ARHGAP15: variants seen among roughly 807,000 people sequenced by gnomAD.
ARHGAP15 encodes the protein Rho GTPase activating protein 15, also known as rho GTPase-activating protein 15.
In ARHGAP15, 51 loss-of-function variants were observed where a neutral mutation model predicts 63.7. The ratio of observed to expected loss-of-function variants is 0.80; its 90% CI spans 0.64 to 1.01. ARHGAP15 has a LOEUF of 1.01. Ranked by LOEUF, ARHGAP15 falls within the 50% of genes least tolerant of loss-of-function variation. The pLI, the probability that ARHGAP15 is intolerant of heterozygous loss-of-function variation, is 0.00. For missense variants in ARHGAP15, 560 were observed against 564.6 expected (o/e 0.99, Z 0.08); for synonymous variants, 191 against 193.8 (o/e 0.99, Z 0.12).
chr2:143,638,567 G>C (rs1325004990), intron 12 of ARHGAP15, among the ~76,000 whole-genome samples: 2 of 148,874 alleles, frequency 1.3e-5, no homozygotes, highest in African/African-American at 2.5e-5. Flanking sequence ...CGAGTTAGTG[G>C]GTGCAGCGCA....
intron 13 of ARHGAP15, among the ~76,000 whole-genome samples, chr2:143,739,717 T>C (rs2105504558): frequency 6.6e-6 from 1 of 152,314 alleles, no homozygotes; most frequent in Non-Finnish European, 1.5e-5. Flanking sequence ...TTTTCATTGT[T>C]TTCCAAGGCT....
At chr2:143,336,743 G>C (rs1684789692) in intron 6 of ARHGAP15, among the ~76,000 whole-genome samples, 1 of 152,140 alleles carries the variant, frequency 6.6e-6, no homozygotes, top group Non-Finnish European at 1.5e-5. Context: ...ATTCTTAATA[G>C]TGAGAAGTCA....
chr2:143,744,720 A>C (rs1223792051), intron 13 of ARHGAP15, among the ~76,000 whole-genome samples: 1 of 152,208 alleles, frequency 6.6e-6, no homozygotes, highest in Non-Finnish European at 1.5e-5. Context: ...CAACATTAGT[A>C]CATCTTTTTA....
chr2:143,332,451 C>T (rs746719657), intron 6 of ARHGAP15, among the ~76,000 whole-genome samples: 1 of 151,966 alleles, frequency 6.6e-6, no homozygotes, highest in Non-Finnish European at 1.5e-5. Context: ...TATATTGTAT[C>T]TAATAGGCCT....
chr2:143,706,186 T>A (rs1684317848), intron 13 of ARHGAP15, among the ~76,000 whole-genome samples: 1 of 152,170 alleles, frequency 6.6e-6, no homozygotes, highest in Non-Finnish European at 1.5e-5. Context: ...TTGTTAAGCA[T>A]TTTTTTGCTA....
At chr2:143,331,287 T>C (rs1019114187) in intron 6 of ARHGAP15, among the ~76,000 whole-genome samples, 3 of 152,180 alleles carry the variant, frequency 2.0e-5, no homozygotes, top group Non-Finnish European at 4.4e-5. Context: ...GAAGCTTTCC[T>C]TGCTCCGATC....
chr2:143,643,436 C>G (rs970131757), intron 12 of ARHGAP15, among the ~76,000 whole-genome samples: 14 of 129,206 alleles, frequency 1.1e-4, no homozygotes, highest in Non-Finnish European at 2.1e-4. Flanking sequence ...CACCCCCCCC[C>G]ACCAAAAAAA....
chr2:143,354,981 T>C (rs1489554999), intron 6 of ARHGAP15, among the ~76,000 whole-genome samples: 1 of 152,224 alleles, frequency 6.6e-6, no homozygotes, highest in Non-Finnish European at 1.5e-5. Context: ...ACATTTTTCA[T>C]TGTAAGCGTT....
chr2:143,157,769 AT>A (rs2105014605), intron 2 of ARHGAP15, among the ~76,000 whole-genome samples: 1 of 151,934 alleles, frequency 6.6e-6, no homozygotes, highest in South Asian at 2.1e-4. Flanking sequence ...AATGTAAAGT[AT>A]TTTGGCATAT....
intron 6 of ARHGAP15, among the ~76,000 whole-genome samples, chr2:143,323,919 A>AC (rs1684139150): frequency 2.0e-5 from 3 of 148,654 alleles, no homozygotes; most frequent in African/African-American, 7.3e-5. Context: ...AAAAAAAAAA[A>AC]AAAACACCTA....
chr2:143,294,951 C>T (rs1002100285), intron 6 of ARHGAP15, among the ~76,000 whole-genome samples: 49 of 152,116 alleles, frequency 3.2e-4, no homozygotes, highest in African/African-American at 8.9e-4. Context: ...ATTGAGCATT[C>T]GATATGTCTT....
At chr2:143,476,360 T>A (rs550505964) in intron 8 of ARHGAP15, among the ~76,000 whole-genome samples, 4 of 152,340 alleles carry the variant, frequency 2.6e-5, no homozygotes, top group Admixed American at 2.6e-4. Flanking sequence ...GAGTACTGTT[T>A]CAGTAAGAAC....
rs191659212 is a variant in ARHGAP15, at chr2:143,132,917, G to A, written c.-15+3451G>A. 3.9e-3 allele frequency among the ~76,000 whole-genome samples: 586 copies of A among 151,932 alleles called. 3 individuals are homozygous for A. Among genetic ancestry groups the A allele is most frequent in the African/African-American group, 0.013 (544 of 41,520 alleles). On this transcript the variant is annotated intron_variant, in intron 1 of 13. Transcript: ENST00000295095. ...ATTTTTCAACAGCTACTGTATGTTT[G>A]ACAACTCCTCACAACATTTGCCTTC...
intron 8 of ARHGAP15, among the ~76,000 whole-genome samples, chr2:143,480,024 C>G (rs983494232): frequency 5.3e-5 from 8 of 152,090 alleles, no homozygotes; most frequent in Non-Finnish European, 8.8e-5. Context: ...AAAGTACTCA[C>G]TATGAAACCC....
intron 6 of ARHGAP15, among the ~76,000 whole-genome samples, chr2:143,330,060 CCAG>C (rs1684441773): frequency 8.5e-6 from 1 of 117,470 alleles, no homozygotes; most frequent in Non-Finnish European, 1.6e-5. Context: ...CCACTACACT[CCAG>C]CAGCCTGGGT....
At chr2:143,491,693 T>A (rs895977766) in intron 9 of ARHGAP15, among the ~76,000 whole-genome samples, 8 of 152,216 alleles carry the variant, frequency 5.3e-5, no homozygotes, top group African/African-American at 1.9e-4. Context: ...ATAGTTCTGG[T>A]GATTTGGTCC....
intron 6 of ARHGAP15, among the ~76,000 whole-genome samples, chr2:143,357,587 G>T (rs1015339893): frequency 6.6e-6 from 1 of 152,184 alleles, no homozygotes; most frequent in Admixed American, 6.5e-5. Context: ...TGACAGGTTT[G>T]AATGAGGCTA....
chr2:143,676,875 T>G (rs1166142601), intron 12 of ARHGAP15, among the ~76,000 whole-genome samples: 2 of 151,738 alleles, frequency 1.3e-5, no homozygotes, highest in Non-Finnish European at 2.9e-5. Context: ...ACCTTCAATT[T>G]GAAAAACAAA....
chr2:143,757,589 G>A (rs1398279256), intron 13 of ARHGAP15, among the ~76,000 whole-genome samples: 4 of 152,016 alleles, frequency 2.6e-5, no homozygotes, highest in African/African-American at 7.2e-5. Context: ...CAGGGTGTGT[G>A]GCTGACTGCA....
Sources: allele counts gnomAD v4.1 joint callset (sites outside exome capture counted in the v4.1 genomes callset), GRCh38; gene constraint gnomAD v4.1.1; transcripts MANE v1.5; gene names NCBI Gene and HGNC (gene_info 2026-07-23, HGNC 2026-07-21).